ANKS6: variants seen among roughly 807,000 people sequenced by gnomAD.
The protein encoded by ANKS6 is ankyrin repeat and sterile alpha motif domain containing 6.
ANKS6 carries 47 observed loss-of-function variants against 77.9 expected under a neutral mutation model. The ratio of observed to expected loss-of-function variants is 0.60; its 90% CI spans 0.48 to 0.77. The LOEUF is 0.77. Ranked by LOEUF, ANKS6 falls within the 30% of genes least tolerant of loss-of-function variation. The probability of loss-of-function intolerance (pLI) is 0.00; values close to 1 mark genes in which losing one functional copy is unlikely to be tolerated. For synonymous variants in ANKS6, 488 were observed against 501.7 expected (o/e 0.97, Z 0.37); for missense variants, 1,150 against 1,159.1 (o/e 0.99, Z 0.11).
chr9:98,784,775 T>G (rs1293347072), intron 3 of ANKS6, 57 bp downstream of exon 3: 14 of 1,482,678 alleles, frequency 9.4e-6, no homozygotes, highest in Non-Finnish European at 1.3e-5. Flanking sequence ...AATATTAGGT[T>G]GGGAGAATGT....
chr9:98,732,597 G>T lies in ANKS6; in HGVS notation c.*3922C>A, dbSNP rs1281255790. The T allele has an allele frequency of 1.0e-5, 16 of 1,550,214 alleles. No homozygotes were observed. The highest frequency in any genetic ancestry group is 1.4e-5 in the Non-Finnish European group (16 of 1,146,948). ...GAGAGAAGAAAGAGAGATGAGAGAT[G>T]AAAGGATTTAAAATGGGCAACCATC... is the stretch of plus-strand genomic sequence containing the variant. On this transcript the variant is annotated 3_prime_UTR_variant, in exon 15 of 15. Transcript: ENST00000353234.
Position 98,780,330 on chromosome 9 carries a change from T to C in ANKS6, c.1227A>G (p.Glu409=). Reference sequence around the variant, plus strand: ...AGACAGATGCCAGCAGTCGAACAAGTTCCGTGTCTATGGACACAAAAGGCA... The same window carrying C: ...AGACAGATGCCAGCAGTCGAACAAGCTCCGTGTCTATGGACACAAAAGGCA... ...LVMLLNDPDT[E]LVRLLASVCM... is the part of the protein sequence containing the mutation. The change falls in exon 6 of 15, where the codon GAA becomes GAG. Residue 409 remains glutamate, a synonymous_variant. Transcript: ENST00000353234. 3.1e-6 allele frequency: 5 copies of C among 1,594,112 alleles called. No individual in the cohort carries two copies. Among genetic ancestry groups the C allele is most frequent in the Non-Finnish European group, 4.3e-6 (5 of 1,169,296 alleles).
At chr9:98,746,809 C>G (rs1832160463) in intron 13 of ANKS6, among the ~76,000 whole-genome samples, 1 of 152,212 alleles carries the variant, frequency 6.6e-6, no homozygotes, top group African/African-American at 2.4e-5. Flanking sequence ...GGTCCCCAGT[C>G]CGGGCCCTTC....
In ANKS6 at chr9:98,780,172, G is replaced by A. The variant is rs1410345771; in HGVS notation, c.1368+17C>T. ...CTCCCTAGCCCCCAAGCCCCTTTAA[G>A]ACAGGAAAAGGCAAACCTTCAGTCC... is the stretch of plus-strand genomic sequence containing the variant. On this transcript the variant is annotated intron_variant, in intron 6 of 14. Coordinates refer to ENST00000353234, the MANE Select transcript of ANKS6 (RefSeq NM_173551.5). 6.2e-6 allele frequency: 10 copies of A among 1,612,786 alleles called. No homozygotes were observed. The highest frequency in any genetic ancestry group is 7.6e-6 in the Non-Finnish European group (9 of 1,179,916).
At chr9:98,756,020 C>A (rs1434570679) in intron 12 of ANKS6, among the ~76,000 whole-genome samples, 4 of 152,168 alleles carry the variant, frequency 2.6e-5, no homozygotes, top group Admixed American at 1.3e-4. Flanking sequence ...ACCCTAGACA[C>A]TCCCATCATA....
At position 98,735,153 on chromosome 9, in the gene ANKS6, A is replaced by T. The variant is rs2061343383; in HGVS notation, c.*1366T>A. 1 of 985,388 alleles carries T rather than the reference A, an allele frequency of 1.0e-6. No individual in the cohort carries two copies. The highest frequency in any genetic ancestry group is 1.2e-6 in the Non-Finnish European group (1 of 829,978). 61.0% of individuals were successfully genotyped at this position (985,388 alleles called of 1,614,324 possible). On this transcript the variant is annotated 3_prime_UTR_variant, in exon 15 of 15. Coordinates refer to ENST00000353234, the MANE Select transcript of ANKS6 (RefSeq NM_173551.5). ...TCGACTGGGTACTTCCTGCAGACCCAGCACTTTGGGCATACTGGTTCTAAG... is the reference window on the plus strand; with the variant it reads ...TCGACTGGGTACTTCCTGCAGACCCTGCACTTTGGGCATACTGGTTCTAAG...
intron 13 of ANKS6, among the ~76,000 whole-genome samples, chr9:98,748,516 G>A (rs936734276): frequency 6.6e-6 from 1 of 152,148 alleles, no homozygotes; most frequent in African/African-American, 2.4e-5. Context: ...TGGTAAATGA[G>A]ATATAATAAA....
At chr9:98,777,259 A>G (rs1432254378) in intron 8 of ANKS6, 146 bp downstream of exon 8, 1 of 849,810 alleles carries the variant, frequency 1.2e-6, no homozygotes, top group Non-Finnish European at 1.9e-6. Context: ...TCAGTGCCAG[A>G]GCTAAGCCCA....
At chr9:98,783,818 T>C (rs1134856) in intron 4 of ANKS6, 135 bp downstream of exon 4, 9 of 621,198 alleles carry the variant, frequency 1.4e-5, no homozygotes, top group African/African-American at 2.2e-5. Flanking sequence ...TTTTTTTTTT[T>C]CCATGCCTCA....
chr9:98,787,608 A>G (rs1834645901), intron 2 of ANKS6, among the ~76,000 whole-genome samples: 1 of 152,216 alleles, frequency 6.6e-6, no homozygotes, highest in Admixed American at 6.5e-5. Flanking sequence ...CAATCAAAAC[A>G]TAATAGTTTC....
At chr9:98,744,013 A>G (rs965817296) in intron 14 of ANKS6, among the ~76,000 whole-genome samples, 7 of 151,798 alleles carry the variant, frequency 4.6e-5, no homozygotes, top group African/African-American at 1.5e-4. Flanking sequence ...CTCCCCCTTG[A>G]CATCTAACAG....
At chr9:98,741,522 T>C (rs1385195336) in intron 14 of ANKS6, among the ~76,000 whole-genome samples, 1 of 152,236 alleles carries the variant, frequency 6.6e-6, no homozygotes, top group Non-Finnish European at 1.5e-5. Context: ...TTGTGATTTC[T>C]TAAAAAAATT....
chr9:98,739,181 G>A (rs1239027100), intron 14 of ANKS6, among the ~76,000 whole-genome samples: 1 of 152,106 alleles, frequency 6.6e-6, no homozygotes, highest in African/African-American at 2.4e-5. Flanking sequence ...TATACTGCTT[G>A]GGTAATGGGT....
chr9:98,786,858 G>T lies in ANKS6; in HGVS notation c.863-1982C>A, dbSNP rs187279828. On this transcript the variant is annotated intron_variant, in intron 2 of 14. Coordinates refer to ENST00000353234, the MANE Select transcript of ANKS6 (RefSeq NM_173551.5). ...AGTTAATCACTGACAGCAGAGCCTGGCCCCAAGAGGCAGGGGCAGCTGTGT... is the reference window on the plus strand; with the variant it reads ...AGTTAATCACTGACAGCAGAGCCTGTCCCCAAGAGGCAGGGGCAGCTGTGT... Among the ~76,000 whole-genome samples, 552 of 152,236 alleles carry T rather than the reference G, an allele frequency of 3.6e-3. 1 individual carries two copies. Among genetic ancestry groups the T allele is most frequent in the Non-Finnish European group, 6.2e-3 (425 of 68,016 alleles).
intron 2 of ANKS6, chr9:98,789,800 CTTG>C (rs1834784164): frequency 3.0e-6 from 1 of 331,158 alleles, no homozygotes. Context: ...TTTGCCAAAC[CTTG>C]TTGTAGAAGG....
chr9:98,792,852 G>C (rs534680718), intron 1 of ANKS6, among the ~76,000 whole-genome samples: 1 of 152,328 alleles, frequency 6.6e-6, no homozygotes, highest in East Asian at 1.9e-4. Flanking sequence ...GGAAGAAAAG[G>C]GGTGAATTAG....
chr9:98,734,514 C>T lies in ANKS6; in HGVS notation c.*2005G>A, dbSNP rs1280987255. ...ACAATTCTAGGCCTACTGTTAACCC[C>T]TGAAGCCATCAGTAAATTAAAACAA... On this transcript the variant is annotated 3_prime_UTR_variant, in exon 15 of 15. Coordinates refer to ENST00000353234, the MANE Select transcript of ANKS6 (RefSeq NM_173551.5). The T allele has an allele frequency of 2.7e-5, 27 of 985,332 alleles. No homozygotes were observed. The highest frequency in any genetic ancestry group is 3.3e-5 in the Non-Finnish European group (27 of 829,950). The allele number at this position is 985,332 out of a possible 1,614,324, so 61.0% of individuals were successfully genotyped here. A position where few individuals can be genotyped will look rare whatever the true frequency, so the allele number is the denominator to read the frequency against.
intron 9 of ANKS6, 103 bp from the exon 10 acceptor site, chr9:98,771,149 A>T (rs1833604908): frequency 7.8e-7 from 1 of 1,278,984 alleles, no homozygotes; most frequent in Non-Finnish European, 1.0e-6. Context: ...TGCATACCCC[A>T]CCAAAGCTCG....
Position 98,790,353 on chromosome 9 carries a change from C to A in ANKS6, c.613G>T (p.Ala205Ser). The change falls in exon 2 of 15, where the codon GCC (alanine) becomes TCC (serine). Residue 205 changes from alanine (A) to serine (S), a missense_variant. Physicochemically the swap from Ala to Ser is moderately conservative, Grantham distance 99. Coordinates refer to ENST00000353234, the MANE Select transcript of ANKS6 (RefSeq NM_173551.5). ...LMAAIQHGHE[A>S]VVRLLMEWGA... is the part of the protein sequence containing the mutation. ...CACTCCATCAGTAGACGCACCACGG[C>A]CTCGTGCCCGTGCTGGATGGCAGCC... 1.9e-6 allele frequency: 3 copies of A among 1,613,214 alleles called. No homozygotes were observed. The highest frequency in any genetic ancestry group is 2.5e-6 in the Non-Finnish European group (3 of 1,179,892).
Sources: gnomAD v4.1 joint callset for allele counts (sites outside exome capture counted in the v4.1 genomes callset) on GRCh38, gnomAD v4.1.1 for gene constraint, MANE v1.5 for transcripts, NCBI Gene and HGNC (gene_info 2026-07-23, HGNC 2026-07-21) for gene names.